The following RGS8 variants were observed in gnomAD, a reference collection of about 807,000 sequenced individuals.
RGS8 encodes the protein regulator of G protein signaling 8.
RGS8 carries 8 observed loss-of-function variants against 21.7 expected under a neutral mutation model. The ratio of observed to expected loss-of-function variants is 0.37; its 90% CI spans 0.22 to 0.66. RGS8 has a LOEUF of 0.66. RGS8 is among the 30% of genes least tolerant of loss of function. The probability of loss-of-function intolerance (pLI) is 0.59; values close to 1 mark genes in which losing one functional copy is unlikely to be tolerated. For missense variants in RGS8, 157 were observed against 217.9 expected, an observed-to-expected ratio of 0.72 and a Z score of 1.76; for synonymous variants, 80 against 83.6, an observed-to-expected ratio of 0.96 and a Z score of 0.24.
chr1:182,669,746 C>T, exon 3 of RGS8: 2 of 1,593,368 alleles, frequency 1.3e-6, no homozygotes, highest in Non-Finnish European at 1.7e-6. Flanking sequence ...CTTGCACGTC[C>T]TCTCACCTAA....
the RGS8 span, among the ~76,000 whole-genome samples, chr1:182,722,175 C>T: frequency 5.4e-5 from 8 of 147,806 alleles, no homozygotes; most frequent in African/African-American, 2.0e-4. Context: ...TGCAAAGTTG[C>T]CAAAAAAAAG....
At chr1:182,724,664 T>A in the RGS8 span, among the ~76,000 whole-genome samples, 16 of 152,214 alleles carry the variant, frequency 1.1e-4, no homozygotes, top group Non-Finnish European at 2.2e-4. Context: ...TTCAAGAGAT[T>A]CTCCTGCCTC....
chr1:182,646,977 T>A, intron 6 of RGS8, 60 bp from the exon 8 acceptor site: 1 of 1,393,260 alleles, frequency 7.2e-7, no homozygotes, highest in Non-Finnish European at 9.9e-7. Flanking sequence ...TTCTGGCAGC[T>A]GGCCCTAACT....
chr1:182,671,950 C>T (rs1406887589), upstream of RGS8: 25 of 1,383,518 alleles, frequency 1.8e-5, 1 homozygote, highest in South Asian at 9.3e-5. Context: ...CAGCGGGCGG[C>T]GGCTCAGCTC....
chr1:182,653,409 G>T (rs1041522313), intron 5 of RGS8, among the ~76,000 whole-genome samples: 5 of 151,692 alleles, frequency 3.3e-5, no homozygotes, highest in African/African-American at 1.2e-4. Flanking sequence ...GATAGACTTG[G>T]GTAGGGCCAG....
At chr1:182,743,848 A>T in the RGS8 span, among the ~76,000 whole-genome samples, 1 of 152,342 alleles carries the variant, frequency 6.6e-6, no homozygotes, top group South Asian at 2.1e-4. Context: ...GACATGCTAC[A>T]TACACATACC....
intron 5 of RGS8, among the ~76,000 whole-genome samples, chr1:182,665,217 T>C (rs551535884): frequency 6.6e-6 from 1 of 152,340 alleles, no homozygotes; most frequent in African/African-American, 2.4e-5. Flanking sequence ...TCAACCCTGC[T>C]CTGCCTTGCC....
the RGS8 span, among the ~76,000 whole-genome samples, chr1:182,736,140 T>C: frequency 3.3e-5 from 5 of 152,354 alleles, no homozygotes; most frequent in East Asian, 9.6e-4. Flanking sequence ...TGACTTGCCA[T>C]AAATAGGAAG....
chr1:182,746,158 C>G, the RGS8 span, among the ~76,000 whole-genome samples: 15 of 152,116 alleles, frequency 9.9e-5, no homozygotes, highest in African/African-American at 3.6e-4. Flanking sequence ...TTTTCAGACC[C>G]CCTCTCCAAA....
chr1:182,650,468 AGC>A (rs1662954698), intron 5 of RGS8, among the ~76,000 whole-genome samples: 2 of 152,232 alleles, frequency 1.3e-5, no homozygotes, highest in African/African-American at 4.8e-5. Flanking sequence ...TACTTGCAAG[AGC>A]CAGGAACTTA....
the RGS8 span, among the ~76,000 whole-genome samples, chr1:182,696,518 T>C: frequency 1.3e-5 from 2 of 151,974 alleles, no homozygotes; most frequent in Middle Eastern, 3.2e-3. Context: ...CCACCACACC[T>C]GGCTAATTTT....
At chr1:182,689,303 A>C (rs984913712), upstream of RGS8, among the ~76,000 whole-genome samples, 13 of 135,752 alleles carry the variant, frequency 9.6e-5, no homozygotes, top group Admixed American at 4.4e-4. Context: ...ACACACACAC[A>C]CACCCCACAA....
chr1:182,740,544 GTTTGTTTTTTT>G, the RGS8 span, among the ~76,000 whole-genome samples: 320 of 103,308 alleles, frequency 3.1e-3, no homozygotes, highest in Non-Finnish European at 4.0e-3. Context: ...TTTTTTGTTT[GTTTGTTTTTTT>G]TTTTTTTTTT....
chr1:182,715,668 A>C, the RGS8 span, among the ~76,000 whole-genome samples: 7 of 152,280 alleles, frequency 4.6e-5, no homozygotes, highest in South Asian at 1.5e-3. Context: ...TCTTGAGACC[A>C]CATTTTTGGA....
At chr1:182,732,267 TCTCATACACA>T in the RGS8 span, among the ~76,000 whole-genome samples, 2 of 132,994 alleles carry the variant, frequency 1.5e-5, no homozygotes, top group South Asian at 2.4e-4. Context: ...TCGCTCTCTC[TCTCATACACA>T]CACACACACA....
At chr1:182,688,355 T>TCA (rs1431640595), upstream of RGS8, among the ~76,000 whole-genome samples, 1 of 149,798 alleles carries the variant, frequency 6.7e-6, no homozygotes, top group Non-Finnish European at 1.5e-5. Flanking sequence ...TCTCTCTCGC[T>TCA]CGCTCTCTCT....
chr1:182,701,072 A>T, the RGS8 span, among the ~76,000 whole-genome samples: 1 of 152,238 alleles, frequency 6.6e-6, no homozygotes, highest in Non-Finnish European at 1.5e-5. Flanking sequence ...AAATGTGTCA[A>T]ATGTGACATT....
the RGS8 span, among the ~76,000 whole-genome samples, chr1:182,716,132 T>G: frequency 1.7e-4 from 26 of 151,490 alleles, no homozygotes; most frequent in African/African-American, 6.1e-4. Flanking sequence ...TTTGGTTTTT[T>G]TTTTTTTCCT....
chr1:182,737,731 T>C, the RGS8 span, among the ~76,000 whole-genome samples: 1 of 152,148 alleles, frequency 6.6e-6, no homozygotes, highest in Non-Finnish European at 1.5e-5. Flanking sequence ...TAATAAACCA[T>C]ACAAGATAAC....
Sources: gnomAD v4.1 joint callset for allele counts (sites outside exome capture counted in the v4.1 genomes callset) on GRCh38, gnomAD v4.1.1 for gene constraint, MANE v1.5 for transcripts, NCBI Gene and HGNC (gene_info 2026-07-23, HGNC 2026-07-21) for gene names.